Variants in PAN3 observed in about 807,000 individuals in gnomAD.
PAN3 encodes PAN2-PAN3 deadenylation complex subunit PAN3.
Under a neutral mutation model 96.2 loss-of-function variants are expected in PAN3, and 19 were observed. The ratio of observed to expected loss-of-function variants is 0.20; its 90% CI spans 0.14 to 0.29. PAN3 has a LOEUF of 0.29. PAN3 is among the 10% of genes least tolerant of loss of function. The pLI is 1.00. For missense variants in PAN3, 882 were observed against 1,108.1 expected (o/e 0.80, Z 2.90); for synonymous variants, 433 against 406.6 (o/e 1.06, Z -0.78).
chr13:28,215,675 T>C, intron 5 of PAN3: 2 of 1,476,182 alleles, frequency 1.4e-6, no homozygotes, highest in Non-Finnish European at 1.8e-6. Context: ...AGCTGGAAGA[T>C]GGCCCTAAAT....
At chr13:28,233,389 C>T (rs1882781447) in intron 6 of PAN3, among the ~76,000 whole-genome samples, 1 of 151,772 alleles carries the variant, frequency 6.6e-6, no homozygotes, top group Non-Finnish European at 1.5e-5. Context: ...GCCTCAGCCT[C>T]CTGAGTAGCC....
intron 18 of PAN3, 81 bp from the exon 19 acceptor site, chr13:28,292,301 T>G: frequency 7.3e-7 from 1 of 1,364,310 alleles, no homozygotes; most frequent in East Asian, 2.5e-5. Context: ...ATTTAGATAT[T>G]TTATTTATTT....
intron 1 of PAN3, among the ~76,000 whole-genome samples, chr13:28,172,884 G>A (rs1874485555): frequency 1.3e-5 from 2 of 152,076 alleles, no homozygotes; most frequent in South Asian, 4.1e-4. Flanking sequence ...TAACAAAATC[G>A]TCTCTACAAA....
At chr13:28,159,389 G>A (rs1235889535) in intron 1 of PAN3, among the ~76,000 whole-genome samples, 1 of 152,112 alleles carries the variant, frequency 6.6e-6, no homozygotes, top group Non-Finnish European at 1.5e-5. Context: ...CTTATAAGTG[G>A]GAACTAAATA....
Position 28,177,901 on chromosome 13 carries a change from A to T in PAN3, c.656A>T (p.Asp219Val), listed in dbSNP as rs149414770. 2 of 1,613,142 alleles carry T rather than the reference A, an allele frequency of 1.2e-6. No homozygotes were observed. The highest frequency in any genetic ancestry group is 2.7e-5 in the African/African-American group (2 of 75,000). The part of the protein sequence containing the change: ...LTSPASSLFN[D>V]FGALNISQRR... The stretch of plus-strand genomic sequence containing the variant: ...TCACCTGCTTCATCCTTGTTTAATG[A>T]CTTTGGTGCCCTCAACATCTCTCAG... Residue 219 changes from aspartate (D) to valine (V), a missense_variant, in exon 4 of 19, where the codon GAC (aspartate) becomes GTC (valine). Physicochemically the swap from Asp to Val is radical, Grantham distance 152. Coordinates refer to ENST00000380958, the MANE Select transcript of PAN3 (RefSeq NM_175854.8).
At chr13:28,282,880 G>GCTTA (rs1555294801) in intron 17 of PAN3, among the ~76,000 whole-genome samples, 20 of 150,988 alleles carry the variant, frequency 1.3e-4, no homozygotes, top group Middle Eastern at 3.2e-3. Flanking sequence ...TCCTTGGTTT[G>GCTTA]TTTATTTATT....
At chr13:28,239,491 G>T (rs1593538973) in intron 6 of PAN3, 1 of 607,214 alleles carries the variant, frequency 1.6e-6, no homozygotes, top group Non-Finnish European at 2.4e-6. Flanking sequence ...CTATTTTTTT[G>T]GACCCAGTAA....
intron 5 of PAN3, 125 bp downstream of exon 5, chr13:28,197,471 A>AT (rs1878198691): frequency 1.1e-6 from 1 of 890,632 alleles, no homozygotes; most frequent in Admixed American, 3.2e-5. Context: ...AATTAAAAAA[A>AT]TTTTTAATCA....
intron 1 of PAN3, among the ~76,000 whole-genome samples, chr13:28,173,807 T>TG (rs1204014150): frequency 6.6e-6 from 1 of 152,234 alleles, no homozygotes; most frequent in Non-Finnish European, 1.5e-5. Flanking sequence ...TGCCATCCTA[T>TG]TGCTACCTCT....
chr13:28,267,447 C>A, intron 12 of PAN3, 46 bp downstream of exon 12: 1 of 1,463,942 alleles, frequency 6.8e-7, no homozygotes, highest in African/African-American at 1.4e-5. Flanking sequence ...AATGCTTTTG[C>A]TCTGTGGAAG....
chr13:28,205,830 CTTAA>C (rs901039867), intron 5 of PAN3, among the ~76,000 whole-genome samples: 16 of 148,466 alleles, frequency 1.1e-4, no homozygotes, highest in African/African-American at 4.0e-4. Context: ...GCAAGACCCT[CTTAA>C]AAAACGAAAA....
chr13:28,199,394 T>C (rs1878437521), intron 5 of PAN3, among the ~76,000 whole-genome samples: 1 of 152,158 alleles, frequency 6.6e-6, no homozygotes, highest in Non-Finnish European at 1.5e-5. Flanking sequence ...ATTAAAATAG[T>C]AATAGATTTG....
chr13:28,168,652 G>A (rs1168764719), intron 1 of PAN3, among the ~76,000 whole-genome samples: 6 of 152,270 alleles, frequency 3.9e-5, no homozygotes, highest in Non-Finnish European at 8.8e-5. Context: ...CCGGGAGGCG[G>A]AGGTTGCAGT....
intron 6 of PAN3, chr13:28,239,669 T>G (rs1036417128): frequency 8.5e-6 from 11 of 1,289,226 alleles, no homozygotes; most frequent in South Asian, 6.2e-5. Context: ...ATGGATAGTT[T>G]GGGCAGCGTT....
chr13:28,221,271 G>T (rs1881378896), intron 6 of PAN3, among the ~76,000 whole-genome samples: 1 of 151,756 alleles, frequency 6.6e-6, no homozygotes, highest in South Asian at 2.1e-4. Flanking sequence ...TCTTATGTTT[G>T]TCGAATGTTT....
intron 13 of PAN3, 63 bp from the exon 14 acceptor site, chr13:28,271,918 T>C: frequency 8.6e-7 from 1 of 1,164,870 alleles, no homozygotes; most frequent in Non-Finnish European, 1.2e-6. Context: ...TACTTTTCCA[T>C]GAGTATGCAA....
intron 6 of PAN3, among the ~76,000 whole-genome samples, chr13:28,233,232 A>G (rs956607743): frequency 6.6e-6 from 1 of 151,484 alleles, no homozygotes; most frequent in Non-Finnish European, 1.5e-5. Context: ...TGATTTGCTT[A>G]GGTGCATTTT....
intron 13 of PAN3, 75 bp downstream of exon 13, chr13:28,270,941 G>A: frequency 7.4e-7 from 1 of 1,354,484 alleles, no homozygotes; most frequent in Non-Finnish European, 1.0e-6. Context: ...AAACATGATT[G>A]TTTTAATTCT....
At chr13:28,283,324 C>T (rs149325829) in intron 17 of PAN3, among the ~76,000 whole-genome samples, 241 of 152,310 alleles carry the variant, frequency 1.6e-3, no homozygotes, top group African/African-American at 5.7e-3. Flanking sequence ...GCTAGGATTA[C>T]AGGCATGAGT....
Sources: gnomAD v4.1 joint callset for allele counts (sites outside exome capture counted in the v4.1 genomes callset) on GRCh38, gnomAD v4.1.1 for gene constraint, MANE v1.5 for transcripts, NCBI Gene and HGNC (gene_info 2026-07-23, HGNC 2026-07-21) for gene names.